Variants in RASGRP4 observed in about 807,000 individuals in gnomAD.
The protein encoded by RASGRP4 is RAS guanyl-releasing protein 4.
RASGRP4 carries 52 observed loss-of-function variants against 84.4 expected under a neutral mutation model. The ratio of observed to expected loss-of-function variants is 0.62; its 90% CI spans 0.49 to 0.78. The LOEUF (loss-of-function observed/expected upper bound fraction) is 0.78, where lower values mean the gene tolerates loss of function less well. Among genes scored for constraint, RASGRP4 ranks in the 30% least tolerant of loss-of-function variants. RASGRP4 has a pLI of 0.00. For missense variants in RASGRP4, 760 were observed against 886.9 expected (o/e 0.86, Z 1.82); for synonymous variants, 356 against 359.1 (o/e 0.99, Z 0.10).
Position 38,418,331 on chromosome 19 carries a change from AG to A in RASGRP4, c.837+59del. On this transcript the variant is annotated intron_variant, in intron 7 of 16. Coordinates refer to ENST00000615439, the MANE Select transcript of RASGRP4 (RefSeq NM_170604.3). This position sits in a 1 kb window ranked among gnomAD's most constrained non-coding sequence, Gnocchi z 4.6. ...GACCCTGTGGGGTCGAGGGTCTGGA[AG>A]GGGAAGGACCAGGTGGCTGCGTGCA... The A allele has an allele frequency of 6.5e-7, 1 of 1,532,256 alleles. No individual in the cohort carries two copies. The highest frequency in any genetic ancestry group is 8.9e-7 in the Non-Finnish European group (1 of 1,128,568). 94.9% of individuals were successfully genotyped at this position (1,532,256 alleles called of 1,614,324 possible).
At position 38,412,148 on chromosome 19, in the gene RASGRP4, T is replaced by G. The variant is rs1283211529; in HGVS notation, c.1680+524A>C. On this transcript the variant is annotated intron_variant, in intron 13 of 16. Coordinates refer to ENST00000615439, the MANE Select transcript of RASGRP4 (RefSeq NM_170604.3). The surrounding 1 kb of genome is among the most constrained non-coding windows in gnomAD (Gnocchi z 4.6). The stretch of plus-strand genomic sequence containing the variant: ...TTGTTGTTGTTTTTGAGACAGAATC[T>G]CGCTCTGTCACCCAAGCTGGAGTGC... 6.6e-6 allele frequency among the ~76,000 whole-genome samples: 1 copy of G among 151,914 alleles called. No individual in the cohort carries two copies. Among genetic ancestry groups the G allele is most frequent in the East Asian group, 1.9e-4 (1 of 5,178 alleles).
rs1971338379 is a variant in RASGRP4 at position 38,413,110 on chromosome 19, A to G, written c.1417-61T>C. ...TTGTCGAAATATGATCCCCATGGCCATAAGTCCCCACCTCCAGGCTCAGGG... is the reference window on the plus strand; with the variant it reads ...TTGTCGAAATATGATCCCCATGGCCGTAAGTCCCCACCTCCAGGCTCAGGG... On this transcript the variant is annotated intron_variant, in intron 11 of 16. Transcript: ENST00000615439. The surrounding 1 kb of genome is among the most constrained non-coding windows in gnomAD (Gnocchi z 4.7). 5 of 1,575,016 alleles carry G rather than the reference A, an allele frequency of 3.2e-6. No homozygotes were observed. The highest frequency in any genetic ancestry group is 2.2e-5 in the East Asian group (1 of 44,702).
chr19:38,411,056 T>G, intron 15 of RASGRP4, 58 bp from the exon 16 acceptor site: 1 of 1,610,378 alleles, frequency 6.2e-7, no homozygotes, highest in Non-Finnish European at 8.5e-7. Flanking sequence ...CTTCTTGACC[T>G]TGGACTCAAC....
At position 38,422,103 on chromosome 19, in the gene RASGRP4, CG is replaced by C; in HGVS notation, c.73del (p.Arg25AlafsTer22). 1 of 1,612,980 alleles carries C rather than the reference CG, an allele frequency of 6.2e-7. No individual in the cohort carries two copies. The highest frequency in any genetic ancestry group is 8.5e-7 in the Non-Finnish European group (1 of 1,179,624). On this transcript the variant is annotated frameshift_variant, in exon 2 of 17. Coordinates refer to ENST00000615439, the MANE Select transcript of RASGRP4 (RefSeq NM_170604.3). LOFTEE classifies it high-confidence loss of function. Reference sequence around the variant, plus strand: ...GCATGTCTTGTGGCGGCGCACTTGGCGGGGCCGGCCTCGCCCTCCTATTTTT... The same window carrying C: ...GCATGTCTTGTGGCGGCGCACTTGGCGGGCCGGCCTCGCCCTCCTATTTTT... ...TGKIGGRGRP[R>X]QVRRHKTCPS... is the part of the protein sequence containing the mutation.
In RASGRP4 at chr19:38,418,231, A is replaced by C. The variant is rs1971584893; in HGVS notation, c.837+160T>G. ...TGACATCAAGGCCAAAGAAGAAGTTACGGTCCTTGGTTGGAATGCCCAGGC... is the reference window on the plus strand; with the variant it reads ...TGACATCAAGGCCAAAGAAGAAGTTCCGGTCCTTGGTTGGAATGCCCAGGC... On this transcript the variant is annotated intron_variant, in intron 7 of 16. Coordinates refer to ENST00000615439, the MANE Select transcript of RASGRP4 (RefSeq NM_170604.3). This position sits in a 1 kb window ranked among gnomAD's most constrained non-coding sequence, Gnocchi z 4.6. Among the ~76,000 whole-genome samples, 1 of 149,884 alleles carries C rather than the reference A, an allele frequency of 6.7e-6. No individual in the cohort carries two copies. Among genetic ancestry groups the C allele is most frequent in the African/African-American group, 2.5e-5 (1 of 40,396 alleles).
In RASGRP4 at chr19:38,409,149, G is replaced by C. The variant is rs531387005; in HGVS notation, c.*891C>G. The C allele has an allele frequency of 2.6e-4, 85 of 325,618 alleles. 1 individual carries two copies. The highest frequency in any genetic ancestry group is 1.8e-3 in the African/African-American group (82 of 45,368). 20.2% of individuals were successfully genotyped at this position (325,618 alleles called of 1,614,324 possible). Reference sequence around the variant, plus strand: ...TTGGGGTTTGTGAAGGGGTTGGGGGGGTCTCTGCTCCCTGGGACTGAATGG... The same window carrying C: ...TTGGGGTTTGTGAAGGGGTTGGGGGCGTCTCTGCTCCCTGGGACTGAATGG... On this transcript the variant is annotated 3_prime_UTR_variant, in exon 17 of 17. Coordinates refer to ENST00000615439, the MANE Select transcript of RASGRP4 (RefSeq NM_170604.3).
At chr19:38,420,870 C>T (rs1042949381) in intron 4 of RASGRP4, 38 bp downstream of exon 4, 11 of 1,592,936 alleles carry the variant, frequency 6.9e-6, no homozygotes, top group Non-Finnish European at 9.5e-6. Flanking sequence ...GGATGGAAGT[C>T]GTGGGTCCTG....
In RASGRP4 at chr19:38,418,550, C is replaced by T. The variant is rs775430214; in HGVS notation, c.678G>A (p.Arg226=). 3.3e-6 allele frequency: 5 copies of T among 1,531,582 alleles called. No homozygotes were observed. The Admixed American group carries it at 6.2e-5, about 19-fold the overall frequency. The allele number at this position is 1,531,582 out of a possible 1,614,324, so 94.9% of individuals were successfully genotyped here. A position where few individuals can be genotyped will look rare whatever the true frequency, so the allele number is the denominator to read the frequency against. Residue 226 remains arginine (R), a synonymous_variant, in exon 7 of 17, where the codon CGG becomes CGA. Coordinates refer to ENST00000615439, the MANE Select transcript of RASGRP4 (RefSeq NM_170604.3). This position sits in a 1 kb window ranked among gnomAD's most constrained non-coding sequence, Gnocchi z 4.6. The stretch of plus-strand genomic sequence containing the variant: ...GTACTGAGCCCTGCAAAACGTAGCT[C>T]CGCAGGTCCTGGGGCTGGGAGCGAG... The part of the protein sequence containing the change: ...SFQAITPQDL[R]SYVLQGSVRG...
At chr19:38,410,414 CTTTTTTTT>C (rs1001083743) in intron 16 of RASGRP4, among the ~76,000 whole-genome samples, 5 of 136,052 alleles carry the variant, frequency 3.7e-5, no homozygotes, top group East Asian at 2.1e-4. Flanking sequence ...TTCTATTTTT[CTTTTTTTT>C]TTTTTTTTGA....
At chr19:38,425,323 C>T (rs1971946316) in intron 1 of RASGRP4, among the ~76,000 whole-genome samples, 3 of 152,034 alleles carry the variant, frequency 2.0e-5, no homozygotes, top group African/African-American at 7.2e-5. Context: ...TGAGTACTTA[C>T]AGGCCTCTCC....
Position 38,417,014 on chromosome 19 carries a change from T to C in RASGRP4, c.954+38A>G. 2.4e-6 allele frequency: 3 copies of C among 1,266,770 alleles called. No individual in the cohort carries two copies. The highest frequency in any genetic ancestry group is 3.4e-6 in the Non-Finnish European group (3 of 886,516). 78.5% of individuals were successfully genotyped at this position (1,266,770 alleles called of 1,614,324 possible). On this transcript the variant is annotated intron_variant, in intron 8 of 16. Transcript: ENST00000615439. This position sits in a 1 kb window ranked among gnomAD's most constrained non-coding sequence, Gnocchi z 5.1. ...ATTAGGTGTGGGGGCTCAAGACAGC[T>C]GACCACTTGGAGCTTTGGGGAGGGT...
Position 38,413,517 on chromosome 19 carries a change from C to T in RASGRP4, c.1231-43G>A, listed in dbSNP as rs1375592755. The T allele has an allele frequency of 2.0e-6, 3 of 1,508,300 alleles. No individual in the cohort carries two copies. Among genetic ancestry groups the T allele is most frequent in the Non-Finnish European group, 2.7e-6 (3 of 1,105,432 alleles). 93.4% of individuals were successfully genotyped at this position (1,508,300 alleles called of 1,614,324 possible). Reference sequence around the variant, plus strand: ...GTTACGGATCCTCCCATCTATAGCCCTGCCCCAGACCCCCACACCCACTCG... The same window carrying T: ...GTTACGGATCCTCCCATCTATAGCCTTGCCCCAGACCCCCACACCCACTCG... On this transcript the variant is annotated intron_variant, in intron 9 of 16. Transcript: ENST00000615439. This position sits in a 1 kb window ranked among gnomAD's most constrained non-coding sequence, Gnocchi z 4.7.
At position 38,418,028 on chromosome 19, in the gene RASGRP4, C is replaced by T. The variant is rs1971574488; in HGVS notation, c.837+363G>A. ...CGCAATGGGGAGCGATGCACAATCCCGAAGCGACCGCTGGGGCCTGGGGAC... is the reference window on the plus strand; with the variant it reads ...CGCAATGGGGAGCGATGCACAATCCTGAAGCGACCGCTGGGGCCTGGGGAC... On this transcript the variant is annotated intron_variant, in intron 7 of 16. Coordinates refer to ENST00000615439, the MANE Select transcript of RASGRP4 (RefSeq NM_170604.3). This position sits in a 1 kb window ranked among gnomAD's most constrained non-coding sequence, Gnocchi z 4.6. Among the ~76,000 whole-genome samples the T allele has an allele frequency of 6.6e-6, 1 of 151,168 alleles. No homozygotes were observed. Among genetic ancestry groups the T allele is most frequent in the East Asian group, 2.0e-4 (1 of 5,070 alleles).
rs751201302 is a variant in RASGRP4 at position 38,415,066 on chromosome 19, G to A, written c.1012C>T (p.Arg338Cys). The A allele has an allele frequency of 1.8e-5, 29 of 1,602,040 alleles. No homozygotes were observed. The highest frequency in any genetic ancestry group is 5.2e-5 in the Admixed American group (3 of 58,030). The change falls in exon 9 of 17, where the codon CGC becomes TGC. Residue 338 changes from arginine to cysteine, a missense_variant. Arg to Cys is a radical substitution (Grantham distance 180, BLOSUM62 -3). Coordinates refer to ENST00000615439, the MANE Select transcript of RASGRP4 (RefSeq NM_170604.3). ...AAACCCGCGCAGCCAGCCCAGGTGC[G>A]GCGGTAGCGGGCGTAGTTGTTGTGG... ...ASHNNYARYR[R>C]TWAGCAGFRL...
At chr19:38,410,414 C>CTTTT (rs1001083743) in intron 16 of RASGRP4, among the ~76,000 whole-genome samples, 1 of 136,050 alleles carries the variant, frequency 7.4e-6, no homozygotes, top group Non-Finnish European at 1.6e-5. Flanking sequence ...TTCTATTTTT[C>CTTTT]TTTTTTTTTT....
chr19:38,420,207 C>T lies in RASGRP4; in HGVS notation c.433G>A (p.Val145Ile). 6.2e-7 allele frequency: 1 copy of T among 1,613,010 alleles called. No homozygotes were observed. The highest frequency in any genetic ancestry group is 8.5e-7 in the Non-Finnish European group (1 of 1,179,506). ...VMHQDPQLEE[V>I]IGRFWATVAR... ...ACGGTGGCCCAGAAACGACCTATGACTTCTTCTAGCTGGGGATCCTGGTGC... is the reference window on the plus strand; with the variant it reads ...ACGGTGGCCCAGAAACGACCTATGATTTCTTCTAGCTGGGGATCCTGGTGC... The change falls in exon 5 of 17, where the codon GTC (valine) becomes ATC (isoleucine). Residue 145 changes from valine (V) to isoleucine (I), a missense_variant. Val to Ile is a conservative substitution (Grantham distance 29). Transcript: ENST00000615439.
At chr19:38,424,616 T>TG (rs113584388) in intron 1 of RASGRP4, among the ~76,000 whole-genome samples, 17,910 of 109,104 alleles carry the variant, frequency 0.16, 1,667 homozygotes, top group East Asian at 0.41. Context: ...TGTGTGTCAA[T>TG]GGGGGGGGGG....
Position 38,421,207 on chromosome 19 carries a change from T to A in RASGRP4, c.209-7A>T, listed in dbSNP as rs1228195279. 6.2e-7 allele frequency: 1 copy of A among 1,600,754 alleles called. No homozygotes were observed. The highest frequency in any genetic ancestry group is 1.1e-5 in the South Asian group (1 of 90,780). ...CACAGGCTGCCAGCTGAATCTGGGG[T>A]GGAAGGAGGGGTACTCTGTGACAGA... On this transcript the variant is annotated splice_region_variant and splice_polypyrimidine_tract_variant and intron_variant, in intron 2 of 16. Coordinates refer to ENST00000615439, the MANE Select transcript of RASGRP4 (RefSeq NM_170604.3).
In RASGRP4 at chr19:38,418,020, C is replaced by T. The variant is rs537057185; in HGVS notation, c.837+371G>A. 6.6e-6 allele frequency among the ~76,000 whole-genome samples: 1 copy of T among 152,156 alleles called. No homozygotes were observed. The highest frequency in any genetic ancestry group is 6.5e-5 in the Admixed American group (1 of 15,288). ...AGCCCGGACGCAATGGGGAGCGATG[C>T]ACAATCCCGAAGCGACCGCTGGGGC... On this transcript the variant is annotated intron_variant, in intron 7 of 16. Transcript: ENST00000615439. This position sits in a 1 kb window ranked among gnomAD's most constrained non-coding sequence, Gnocchi z 4.6.
Sources: gnomAD v4.1 joint callset for allele counts (sites outside exome capture counted in the v4.1 genomes callset) on GRCh38, gnomAD v4.1.1 for gene constraint, Gnocchi (gnomAD v3.1) non-coding constraint, MANE v1.5 for transcripts, NCBI Gene and HGNC (gene_info 2026-07-23, HGNC 2026-07-21) for gene names.